VAC14: variants seen among roughly 807,000 people sequenced by gnomAD.
The protein encoded by VAC14 is protein VAC14 homolog.
VAC14 carries 47 observed loss-of-function variants against 85.3 expected under a neutral mutation model. That is an observed-to-expected ratio of 0.55 (90% CI 0.44 to 0.70). VAC14 has a LOEUF of 0.70. Ranked by LOEUF, VAC14 falls within the 30% of genes least tolerant of loss-of-function variation. The pLI is 0.00. For missense variants in VAC14, 861 were observed against 1,004.3 expected, an observed-to-expected ratio of 0.86 and a Z score of 1.93; for synonymous variants, 447 against 430.5, an observed-to-expected ratio of 1.04 and a Z score of -0.47.
chr16:70,787,367 A>C (rs532822508), intron 1 of VAC14, among the ~76,000 whole-genome samples: 1 of 152,294 alleles, frequency 6.6e-6, no homozygotes, highest in East Asian at 1.9e-4. Context: ...TAGGGTAGAC[A>C]GTGCCCCCAG....
At position 70,737,793 on chromosome 16, in the gene VAC14, CAT is replaced by C. The variant is rs138845587; in HGVS notation, c.1529-6168_1529-6167del. Among the ~76,000 whole-genome samples, 136 of 152,334 alleles carry C rather than the reference CAT, an allele frequency of 8.9e-4. 1 individual carries two copies. Among genetic ancestry groups the C allele is most frequent in the Non-Finnish European group, 1.4e-3 (96 of 68,022 alleles). On this transcript the variant is annotated intron_variant, in intron 13 of 18. Coordinates refer to ENST00000261776, the MANE Select transcript of VAC14 (RefSeq NM_018052.5). ...GTGGTTATGACGTGAAGAAACCTCACATGTCAGGATAAAAATAACCCTGGCTT... is the reference window on the plus strand; with the variant it reads ...GTGGTTATGACGTGAAGAAACCTCACGTCAGGATAAAAATAACCCTGGCTT...
chr16:70,775,218 TAA>T (rs759731670), intron 9 of VAC14, among the ~76,000 whole-genome samples: 3 of 152,216 alleles, frequency 2.0e-5, no homozygotes, highest in Admixed American at 6.5e-5. Flanking sequence ...CTTGGCCTCT[TAA>T]AAGTTTTAAA....
rs561573814 is a variant in VAC14 at position 70,780,973 on chromosome 16, T to G, written c.947-34A>C. The G allele has an allele frequency of 1.9e-6, 3 of 1,612,490 alleles. No individual in the cohort carries two copies. In the South Asian group the frequency reaches 3.3e-5, roughly 18 times the overall value. On this transcript the variant is annotated intron_variant, in intron 8 of 18. Transcript: ENST00000261776. ...ACTGATGTAAGGAGCGTGATCTGAT[T>G]TGGATGCCTGTCTCTCTAAATCTCT...
At chr16:70,733,378 T>C (rs909893863) in intron 13 of VAC14, among the ~76,000 whole-genome samples, 1 of 152,182 alleles carries the variant, frequency 6.6e-6, no homozygotes, top group African/African-American at 2.4e-5. Context: ...ATTTTGTTTG[T>C]CCATTCATCA....
At chr16:70,692,055 A>G (rs1409636082) in intron 18 of VAC14, 1 of 983,040 alleles carries the variant, frequency 1.0e-6, no homozygotes, top group African/African-American at 1.8e-5. Context: ...GCGACCTGAC[A>G]AGTGAAATTT....
At chr16:70,798,781 G>T (rs921196844) in intron 1 of VAC14, among the ~76,000 whole-genome samples, 1 of 152,156 alleles carries the variant, frequency 6.6e-6, no homozygotes, top group African/African-American at 2.4e-5. Flanking sequence ...CTGTCTGTAG[G>T]CCACGCTTTT....
chr16:70,739,510 T>C (rs1261355715), intron 13 of VAC14, among the ~76,000 whole-genome samples: 1 of 152,204 alleles, frequency 6.6e-6, no homozygotes, highest in Non-Finnish European at 1.5e-5. Context: ...TCCTCCCCTC[T>C]GGCTGTGGAA....
At chr16:70,770,713 A>T (rs559330113) in intron 10 of VAC14, 2 of 152,194 alleles carry the variant, frequency 1.3e-5, no homozygotes. Flanking sequence ...TCAGGGACAC[A>T]TTCAGGGGCC....
At chr16:70,692,385 G>A (rs976581734) in intron 18 of VAC14, among the ~76,000 whole-genome samples, 1 of 152,052 alleles carries the variant, frequency 6.6e-6, no homozygotes, top group African/African-American at 2.4e-5. Context: ...CAGACAGGGT[G>A]GGGAGGGGCT....
chr16:70,712,482 T>A (rs1293380580), intron 14 of VAC14, among the ~76,000 whole-genome samples: 1 of 151,920 alleles, frequency 6.6e-6, no homozygotes, highest in Non-Finnish European at 1.5e-5. Context: ...CCTGAGCCAT[T>A]GGGCTCAGGC....
In VAC14 at chr16:70,734,632, G is replaced by T. The variant is rs1222025867; in HGVS notation, c.1529-3005C>A. 2.0e-5 allele frequency among the ~76,000 whole-genome samples: 3 copies of T among 151,986 alleles called. No homozygotes were observed. The South Asian group carries it at 6.2e-4, about 32-fold the overall frequency. ...CTTTTTATATACAGTGTGAGGAAAG[G>T]GTCTAAATCCTTTTGCATATGGATA... On this transcript the variant is annotated intron_variant, in intron 13 of 18. Coordinates refer to ENST00000261776, the MANE Select transcript of VAC14 (RefSeq NM_018052.5).
chr16:70,693,343 A>G (rs1407989635), intron 17 of VAC14, among the ~76,000 whole-genome samples: 1 of 152,180 alleles, frequency 6.6e-6, no homozygotes. Flanking sequence ...CCCTGGTGAT[A>G]CGAGGGCTCG....
intron 1 of VAC14, among the ~76,000 whole-genome samples, chr16:70,787,953 T>C (rs1480703396): frequency 1.3e-5 from 2 of 152,182 alleles, no homozygotes; most frequent in Non-Finnish European, 2.9e-5. Context: ...GGGATGACAC[T>C]GGTGGAGCCA....
At chr16:70,757,208 G>A (rs1311200211) in intron 12 of VAC14, among the ~76,000 whole-genome samples, 1 of 152,208 alleles carries the variant, frequency 6.6e-6, no homozygotes, top group African/African-American at 2.4e-5. Context: ...AGTTCATGCT[G>A]GTGACTGAGC....
chr16:70,701,759 G>A (rs1198425510), intron 14 of VAC14, among the ~76,000 whole-genome samples: 1 of 152,190 alleles, frequency 6.6e-6, no homozygotes, highest in Non-Finnish European at 1.5e-5. Context: ...TCGGCCTATA[G>A]GGTCTCACAC....
At position 70,690,716 on chromosome 16, in the gene VAC14, C is replaced by T. The variant is rs998868021; in HGVS notation, c.2186+2105G>A. 1.0e-5 allele frequency: 10 copies of T among 985,460 alleles called. No individual in the cohort carries two copies. In the African/African-American group the frequency reaches 1.4e-4, roughly 14 times the overall value. The allele number at this position is 985,460 out of a possible 1,614,324, so 61.0% of individuals were successfully genotyped here. On this transcript the variant is annotated intron_variant, in intron 18 of 18. Transcript: ENST00000261776. ...CTGTCTGCCCCTCCCAGGGCTGGGA[C>T]TGTCCTCAGCTCCCTTCCCAGGGTG... is the stretch of plus-strand genomic sequence containing the variant.
At chr16:70,773,750 T>C (rs2033367663) in intron 9 of VAC14, among the ~76,000 whole-genome samples, 2 of 151,458 alleles carry the variant, frequency 1.3e-5, no homozygotes, top group Admixed American at 1.3e-4. Flanking sequence ...TACATACCCA[T>C]AGTTCAATTA....
chr16:70,780,663 A>C, intron 9 of VAC14, 127 bp downstream of exon 9: 14 of 1,199,250 alleles, frequency 1.2e-5, no homozygotes, highest in Non-Finnish European at 1.5e-5. Flanking sequence ...GGTTGCTGCT[A>C]CAATTGTGTG....
chr16:70,781,036 G>A, intron 8 of VAC14, 97 bp from the exon 9 acceptor site: 1 of 1,538,054 alleles, frequency 6.5e-7, no homozygotes, highest in Non-Finnish European at 8.8e-7. Context: ...GGTGGGGCCT[G>A]GTGGGAGGGG....
Sources: gnomAD v4.1 joint callset for allele counts (sites outside exome capture counted in the v4.1 genomes callset) on GRCh38, gnomAD v4.1.1 for gene constraint, MANE v1.5 for transcripts, NCBI Gene and HGNC (gene_info 2026-07-23, HGNC 2026-07-21) for gene names.